The following SLIT2 variants were observed in gnomAD, a reference collection of about 807,000 sequenced individuals.
SLIT2 encodes slit homolog 2 protein.
Under a neutral mutation model 185.7 loss-of-function variants are expected in SLIT2, and 41 were observed. The observed-to-expected ratio is 0.22, with a 90% confidence interval of 0.17 to 0.29. SLIT2 has a LOEUF of 0.29. SLIT2 is among the 10% of genes least tolerant of loss of function. SLIT2 has a pLI of 1.00. For synonymous variants in SLIT2, 693 were observed against 680.2 expected, an observed-to-expected ratio of 1.02 and a Z score of -0.29; for missense variants, 1,571 against 1,909.0, an observed-to-expected ratio of 0.82 and a Z score of 3.30.
chr4:20,387,521 C>G (rs1041396512), intron 4 of SLIT2, among the ~76,000 whole-genome samples: 3 of 152,076 alleles, frequency 2.0e-5, no homozygotes, highest in Non-Finnish European at 4.4e-5. Flanking sequence ...TGAAATATCT[C>G]AGTGTCATGA....
chr4:20,311,301 C>T (rs779184804), intron 4 of SLIT2, among the ~76,000 whole-genome samples: 14 of 152,208 alleles, frequency 9.2e-5, no homozygotes, highest in Admixed American at 1.3e-4. Flanking sequence ...TAAAACCATG[C>T]TCTTAAAATA....
chr4:20,307,271 C>CTTCCTTCCTTCT (rs1717670576), intron 4 of SLIT2, among the ~76,000 whole-genome samples: 1 of 146,714 alleles, frequency 6.8e-6, no homozygotes, highest in Non-Finnish European at 1.5e-5. Context: ...TCCTTCCTTC[C>CTTCCTTCCTTCT]TTCCTTCCTT....
At chr4:20,570,731 G>GTATA (rs55841917) in intron 29 of SLIT2, among the ~76,000 whole-genome samples, 105 of 125,542 alleles carry the variant, frequency 8.4e-4, no homozygotes, top group South Asian at 5.7e-3. Flanking sequence ...ATATATATAT[G>GTATA]TATATATATA....
Position 20,484,589 on chromosome 4 carries a change from A to G in SLIT2, c.540-1611A>G, listed in dbSNP as rs1348041217. 2.6e-5 allele frequency among the ~76,000 whole-genome samples: 4 copies of G among 152,164 alleles called. No homozygotes were observed. Among genetic ancestry groups the G allele is most frequent in the East Asian group, 3.9e-4 (2 of 5,166 alleles). Reference sequence around the variant, plus strand: ...CTGTTTTACTGAAAAGTTTTTGTCAATCTCTTGACCTCTGAACGCACCATC... The same window carrying G: ...CTGTTTTACTGAAAAGTTTTTGTCAGTCTCTTGACCTCTGAACGCACCATC... On this transcript the variant is annotated intron_variant, in intron 6 of 36. Transcript: ENST00000504154. The surrounding 1 kb of genome is among the most constrained non-coding windows in gnomAD (Gnocchi z 4.3).
intron 4 of SLIT2, among the ~76,000 whole-genome samples, chr4:20,334,687 A>G (rs886781564): frequency 1.3e-5 from 2 of 152,152 alleles, no homozygotes; most frequent in Non-Finnish European, 2.9e-5. Flanking sequence ...ATGTCCATGC[A>G]TTCTTCTTCA....
At position 20,386,587 on chromosome 4, in the gene SLIT2, TC is replaced by T. The variant is rs1345802613; in HGVS notation, c.396-81164del. Among the ~76,000 whole-genome samples the T allele has an allele frequency of 3.3e-5, 5 of 152,336 alleles. No individual in the cohort carries two copies. The East Asian group carries it at 9.6e-4, about 29-fold the overall frequency. On this transcript the variant is annotated intron_variant, in intron 4 of 36. Transcript: ENST00000504154. ...TGTGCAAGCCTCACTTTTTGATTTTTCAGAACATACTGAAATTCTATTATTC... is the reference window on the plus strand; with the variant it reads ...TGTGCAAGCCTCACTTTTTGATTTTTAGAACATACTGAAATTCTATTATTC...
At chr4:20,474,303 T>C (rs546081286) in intron 5 of SLIT2, among the ~76,000 whole-genome samples, 26 of 152,158 alleles carry the variant, frequency 1.7e-4, no homozygotes, top group African/African-American at 5.5e-4. Flanking sequence ...TCCCCATCAG[T>C]ACTATGGGAA....
intron 26 of SLIT2, among the ~76,000 whole-genome samples, chr4:20,564,696 A>G (rs1470803655): frequency 1.3e-5 from 2 of 151,902 alleles, no homozygotes; most frequent in African/African-American, 4.8e-5. Context: ...ATTTTGCTAT[A>G]TTCCCAAACC....
At chr4:20,595,945 C>A in intron 31 of SLIT2, 111 bp downstream of exon 31, 1 of 936,058 alleles carries the variant, frequency 1.1e-6, no homozygotes, top group Non-Finnish European at 1.6e-6. Context: ...AAGAGTATAA[C>A]TGGATTGTTT....
At chr4:20,439,483 C>T (rs559805726) in intron 4 of SLIT2, among the ~76,000 whole-genome samples, 57 of 152,292 alleles carry the variant, frequency 3.7e-4, no homozygotes, top group Admixed American at 9.8e-4. Flanking sequence ...TTTCTGCCTT[C>T]ATCTTCATGT....
rs1439234744 is a variant in SLIT2, at chr4:20,567,536, C to T, written c.2869C>T (p.Pro957Ser). The T allele has an allele frequency of 1.9e-6, 3 of 1,613,092 alleles. No homozygotes were observed. In the South Asian group the frequency reaches 3.3e-5, roughly 18 times the overall value. ...TCTCCAGGGGCAGGACTGTGATGTC[C>T]CAATTCATGCCTGCATCAGTAACCC... Reference protein sequence around the residue: ...YGFKGQDCDVPIHACISNPCK... With the variant: ...YGFKGQDCDVSIHACISNPCK... Residue 957 changes from proline to serine, a missense_variant, in exon 28 of 37, where the codon CCA becomes TCA. Physicochemically the swap from Pro to Ser is moderately conservative, Grantham distance 74. This residue lies in a region of SLIT2 where 1,202 missense variants were observed against 1,416.4 expected (regional missense o/e 0.85). Coordinates refer to ENST00000504154, the MANE Select transcript of SLIT2 (RefSeq NM_004787.4).
In SLIT2 at chr4:20,484,359, C is replaced by T. The variant is rs183828641; in HGVS notation, c.540-1841C>T. ...TTAATGGCATTTGAAAAAGACATCT[C>T]ATTTCACCTGCACATAGGAAAATGC... On this transcript the variant is annotated intron_variant, in intron 6 of 36. Coordinates refer to ENST00000504154, the MANE Select transcript of SLIT2 (RefSeq NM_004787.4). This position sits in a 1 kb window ranked among gnomAD's most constrained non-coding sequence, Gnocchi z 4.3. Among the ~76,000 whole-genome samples the T allele has an allele frequency of 3.9e-5, 6 of 152,262 alleles. No individual in the cohort carries two copies. The East Asian group carries it at 9.7e-4, about 25-fold the overall frequency.
intron 4 of SLIT2, among the ~76,000 whole-genome samples, chr4:20,314,353 G>C (rs893907280): frequency 5.9e-5 from 9 of 152,180 alleles, no homozygotes; most frequent in African/African-American, 2.2e-4. Context: ...GTATTTCACA[G>C]TTTTAGAGGT....
At chr4:20,309,784 G>A (rs1407735626) in intron 4 of SLIT2, among the ~76,000 whole-genome samples, 1 of 132,454 alleles carries the variant, frequency 7.5e-6, no homozygotes, top group African/African-American at 2.9e-5. Context: ...TTTTGAGATG[G>A]AGTCTTGCTC....
chr4:20,332,804 T>C (rs1720182940), intron 4 of SLIT2, among the ~76,000 whole-genome samples: 1 of 152,156 alleles, frequency 6.6e-6, no homozygotes. Flanking sequence ...TTTGATAATA[T>C]TTGTCATTGC....
chr4:20,467,180 AC>A (rs1322855950), intron 4 of SLIT2, among the ~76,000 whole-genome samples: 2 of 152,120 alleles, frequency 1.3e-5, no homozygotes, highest in African/African-American at 4.8e-5. Context: ...TTTTATGTAA[AC>A]CTGCTATTAA....
intron 4 of SLIT2, among the ~76,000 whole-genome samples, chr4:20,271,417 T>G (rs934797403): frequency 2.7e-5 from 4 of 146,850 alleles, no homozygotes; most frequent in African/African-American, 4.9e-5. Flanking sequence ...TTATTATACA[T>G]AGTATATATT....
intron 3 of SLIT2, among the ~76,000 whole-genome samples, chr4:20,267,699 C>T (rs1053594149): frequency 4.6e-5 from 7 of 151,756 alleles, no homozygotes; most frequent in African/African-American, 1.5e-4. Context: ...CATTTCTGCC[C>T]TCTGGAGACT....
intron 3 of SLIT2, among the ~76,000 whole-genome samples, chr4:20,260,031 A>G (rs1712275920): frequency 6.6e-6 from 1 of 151,890 alleles, no homozygotes; most frequent in Non-Finnish European, 1.5e-5. Flanking sequence ...TATTTTTTAA[A>G]AATACATTAA....
Sources: allele counts gnomAD v4.1 joint callset (sites outside exome capture counted in the v4.1 genomes callset), GRCh38; gene constraint gnomAD v4.1.1; regional missense constraint gnomAD v4.1.1; non-coding constraint Gnocchi (gnomAD v3.1); transcripts MANE v1.5; gene names NCBI Gene and HGNC (gene_info 2026-07-23, HGNC 2026-07-21).